Variants in PXYLP1 observed in about 807,000 individuals in gnomAD.
The protein encoded by PXYLP1 is acid phosphatase-like 2.
A neutral mutation model predicts 37.9 loss-of-function variants in PXYLP1; 17 were observed. That is an observed-to-expected ratio of 0.45 (90% CI 0.31 to 0.67). The LOEUF (loss-of-function observed/expected upper bound fraction) is 0.67. Ranked by LOEUF, PXYLP1 falls within the 30% of genes least tolerant of loss-of-function variation. The pLI is 0.07. For missense variants in PXYLP1, 511 were observed against 612.0 expected (o/e 0.84, Z 1.74); for synonymous variants, 221 against 232.2 (o/e 0.95, Z 0.44).
At chr3:141,252,476 C>T (rs575327065) in intron 1 of PXYLP1, among the ~76,000 whole-genome samples, 3 of 152,132 alleles carry the variant, frequency 2.0e-5, no homozygotes, top group South Asian at 2.1e-4. Context: ...ACGGTGAGAG[C>T]GGGAGCAAGA....
chr3:141,285,410 G>A (rs570876551), intron 4 of PXYLP1, among the ~76,000 whole-genome samples: 158 of 151,814 alleles, frequency 1.0e-3, no homozygotes, highest in African/African-American at 3.7e-3. Flanking sequence ...CCAAAATGCT[G>A]GGATTACAGG....
In PXYLP1 at chr3:141,292,171, C is replaced by T; in HGVS notation, c.506-97C>T. The T allele has an allele frequency of 1.6e-6, 2 of 1,219,566 alleles. No individual in the cohort carries two copies. The highest frequency in any genetic ancestry group is 3.0e-5 in the African/African-American group (2 of 65,940). The allele number at this position is 1,219,566 out of a possible 1,614,324, so 75.5% of individuals were successfully genotyped here. A position where few individuals can be genotyped will look rare whatever the true frequency, so the allele number is the denominator to read the frequency against. Reference sequence around the variant, plus strand: ...AACAGGCTGGATGCCATTCTCTTGCCCTAAAACACTCCAGAGCCACACGCT... The same window carrying T: ...AACAGGCTGGATGCCATTCTCTTGCTCTAAAACACTCCAGAGCCACACGCT... On this transcript the variant is annotated intron_variant, in intron 5 of 5. Transcript: ENST00000286353. This position sits in a 1 kb window ranked among gnomAD's most constrained non-coding sequence, Gnocchi z 4.3.
intron 2 of PXYLP1, chr3:141,267,329 C>T (rs1370835258): frequency 1.3e-5 from 2 of 152,118 alleles, no homozygotes; most frequent in African/African-American, 4.8e-5. Context: ...TAACGTACTG[C>T]GTCCTCTATT....
At chr3:141,256,880 G>A (rs114507691) in intron 1 of PXYLP1, among the ~76,000 whole-genome samples, 2,148 of 152,248 alleles carry the variant, frequency 0.014, 21 homozygotes, top group Non-Finnish European at 0.022. Flanking sequence ...ACCCCAGAGA[G>A]TATCAAGGGG....
intron 1 of PXYLP1, among the ~76,000 whole-genome samples, chr3:141,242,136 C>G (rs1487931053): frequency 2.0e-5 from 3 of 152,150 alleles, no homozygotes; most frequent in Non-Finnish European, 4.4e-5. Flanking sequence ...TGGACTTATA[C>G]CAATGCTTCT....
chr3:141,290,872 A>T (rs1193194978), intron 5 of PXYLP1, among the ~76,000 whole-genome samples: 2 of 152,252 alleles, frequency 1.3e-5, no homozygotes, highest in African/African-American at 4.8e-5. Context: ...CCTGGCACAC[A>T]GTAAGCACTC....
intron 1 of PXYLP1, among the ~76,000 whole-genome samples, chr3:141,252,169 G>A (rs1359624368): frequency 5.9e-5 from 9 of 152,054 alleles, no homozygotes; most frequent in African/African-American, 2.2e-4. Context: ...GGATTTGTGG[G>A]GTGTGGCCAG....
intron 2 of PXYLP1, among the ~76,000 whole-genome samples, chr3:141,277,981 G>T (rs1417205034): frequency 6.6e-6 from 1 of 152,182 alleles, no homozygotes; most frequent in Non-Finnish European, 1.5e-5. Flanking sequence ...GAGGAATGAT[G>T]GTTTTCCTCC....
At chr3:141,240,654 CCCT>C (rs1940773762) in intron 1 of PXYLP1, among the ~76,000 whole-genome samples, 1 of 152,046 alleles carries the variant, frequency 6.6e-6, no homozygotes, top group Admixed American at 6.5e-5. Flanking sequence ...ACTGTCTGCC[CCCT>C]CCTCCCCCCA....
chr3:141,264,795 AT>A (rs1264647892), intron 2 of PXYLP1, among the ~76,000 whole-genome samples: 1 of 152,228 alleles, frequency 6.6e-6, no homozygotes, highest in Non-Finnish European at 1.5e-5. Flanking sequence ...TGGTTTCCCC[AT>A]CTGTAAAATG....
At chr3:141,279,929 GAGTA>G (rs1230847726) in intron 4 of PXYLP1, among the ~76,000 whole-genome samples, 1 of 152,252 alleles carries the variant, frequency 6.6e-6, no homozygotes, top group East Asian at 1.9e-4. Context: ...TTGGGGCAAA[GAGTA>G]AGTGAGATGA....
chr3:141,286,568 T>C (rs1942079592), intron 4 of PXYLP1, among the ~76,000 whole-genome samples: 1 of 152,022 alleles, frequency 6.6e-6, no homozygotes, highest in African/African-American at 2.4e-5. Context: ...GCGTTGTGTG[T>C]TGGAGGAAAG....
At chr3:141,275,660 G>A (rs1040895601) in intron 2 of PXYLP1, among the ~76,000 whole-genome samples, 2 of 152,174 alleles carry the variant, frequency 1.3e-5, no homozygotes, top group African/African-American at 4.8e-5. Flanking sequence ...AGCCATCCTA[G>A]CACCTTCCAA....
In PXYLP1 at chr3:141,260,232, T is replaced by G. The variant is rs1413313719; in HGVS notation, c.57T>G (p.Phe19Leu). The change falls in exon 2 of 6, where the codon TTT becomes TTG. Residue 19 changes from phenylalanine to leucine, a missense_variant. Transcript: ENST00000286353. ...LLLALAALLA[F>L]VSLSLQFFHL... ...TGGCCCTGGCTGCGCTGCTGGCCTTTGTGAGCCTCAGCCTGCAGTTCTGTG... is the reference window on the plus strand; with the variant it reads ...TGGCCCTGGCTGCGCTGCTGGCCTTGGTGAGCCTCAGCCTGCAGTTCTGTG... The G allele has an allele frequency of 1.9e-6, 3 of 1,613,444 alleles. No individual in the cohort carries two copies. Among genetic ancestry groups the G allele is most frequent in the Middle Eastern group, 1.6e-4 (1 of 6,062 alleles).
intron 1 of PXYLP1, among the ~76,000 whole-genome samples, chr3:141,241,088 T>C (rs1352839139): frequency 6.6e-6 from 1 of 152,096 alleles, no homozygotes; most frequent in Non-Finnish European, 1.5e-5. Context: ...CCAACCCACA[T>C]CTGGAGGGGA....
chr3:141,274,530 C>T (rs1941744652), intron 2 of PXYLP1: 1 of 1,451,582 alleles, frequency 6.9e-7, no homozygotes, highest in Non-Finnish European at 9.3e-7. Context: ...CCCCTCACCC[C>T]AGACTGGTTC....
At chr3:141,278,635 T>C (rs1941864915) in intron 3 of PXYLP1, 135 bp downstream of exon 3, 2 of 1,134,786 alleles carry the variant, frequency 1.8e-6, no homozygotes, top group Admixed American at 2.4e-5. Flanking sequence ...CTTGAATGAG[T>C]TCCTGGGTCC....
intron 2 of PXYLP1, chr3:141,274,355 C>T (rs946651522): frequency 2.7e-5 from 39 of 1,420,442 alleles, no homozygotes; most frequent in African/African-American, 2.3e-4. Flanking sequence ...CCAGGCCTTA[C>T]GGGACCCAAG....
rs1193726572 is a variant in PXYLP1, at chr3:141,291,456, A to AT, written c.506-807dup. On this transcript the variant is annotated intron_variant, in intron 5 of 5. Transcript: ENST00000286353. ...CTTCTACCCATGTTCCATCCACCTC[A>AT]TTTTTGTACCTCCGTCACCCCCAGG... 6 of 152,144 alleles carry AT rather than the reference A, an allele frequency of 3.9e-5. No individual in the cohort carries two copies. In the East Asian group the frequency reaches 1.2e-3, roughly 29 times the overall value. The allele number at this position is 152,144 out of a possible 1,614,324, so 9.4% of individuals were successfully genotyped here.
Sources: gnomAD v4.1 joint callset for allele counts (sites outside exome capture counted in the v4.1 genomes callset) on GRCh38, gnomAD v4.1.1 for gene constraint, Gnocchi (gnomAD v3.1) non-coding constraint, MANE v1.5 for transcripts, NCBI Gene and HGNC (gene_info 2026-07-23, HGNC 2026-07-21) for gene names.